Variants in RABGAP1 observed in about 807,000 individuals in gnomAD.
The protein encoded by RABGAP1 is rab GTPase-activating protein 1.
In RABGAP1, 23 loss-of-function variants were observed where a neutral mutation model predicts 137.6. The observed-to-expected ratio is 0.17, with a 90% CI of 0.12 to 0.24. The LOEUF is 0.24. Among genes scored for constraint, RABGAP1 ranks in the 10% least tolerant of loss-of-function variants. The pLI is 1.00. For synonymous variants in RABGAP1, 451 were observed against 450.7 expected (o/e 1.00, Z -0.01); for missense variants, 906 against 1,275.8 (o/e 0.71, Z 4.42).
intron 2 of RABGAP1, chr9:122,972,102 G>T (rs991373646): frequency 6.6e-6 from 1 of 152,156 alleles, no homozygotes; most frequent in South Asian, 2.1e-4. Flanking sequence ...TAAAAATCTT[G>T]TTACATTTTT....
At chr9:123,045,235 T>C (rs2033153970) in intron 13 of RABGAP1, among the ~76,000 whole-genome samples, 1 of 152,224 alleles carries the variant, frequency 6.6e-6, no homozygotes, top group South Asian at 2.1e-4. Flanking sequence ...TAAATAGCAT[T>C]ATTTATTTTG....
At chr9:122,997,228 A>G in intron 8 of RABGAP1, 31 bp from the exon 9 acceptor site, 2 of 1,531,352 alleles carry the variant, frequency 1.3e-6, no homozygotes, top group African/African-American at 2.8e-5. Flanking sequence ...TCACTGTGGC[A>G]TTCGGGTTTA....
intron 1 of RABGAP1, among the ~76,000 whole-genome samples, chr9:122,953,322 A>G (rs1419960624): frequency 2.6e-5 from 4 of 152,038 alleles, no homozygotes; most frequent in Admixed American, 2.6e-4. Context: ...CAGTAGCTCT[A>G]TGAGATCGAT....
chr9:122,960,992 A>C (rs1289873563), intron 2 of RABGAP1, among the ~76,000 whole-genome samples: 1 of 152,140 alleles, frequency 6.6e-6, no homozygotes, highest in Non-Finnish European at 1.5e-5. Context: ...ATGAAGAAAA[A>C]CAATGTAGAA....
At chr9:123,078,483 T>G (rs537710319) in intron 19 of RABGAP1, among the ~76,000 whole-genome samples, 3 of 152,298 alleles carry the variant, frequency 2.0e-5, no homozygotes, top group East Asian at 3.9e-4. Context: ...GCTACGACTA[T>G]AATTATTTCC....
In RABGAP1 at chr9:122,941,091, C is replaced by T. The variant is rs934178797; in HGVS notation, c.-52C>T. Reference sequence around the variant, plus strand: ...GGCGGCGGAGGAGGAGACGGCAGGTCGGGTAGGGCCGTGTTTCCCCTCCTC... The same window carrying T: ...GGCGGCGGAGGAGGAGACGGCAGGTTGGGTAGGGCCGTGTTTCCCCTCCTC... On this transcript the variant is annotated splice_region_variant and 5_prime_UTR_variant, in exon 1 of 26. Transcript: ENST00000373647. The T allele has an allele frequency of 6.6e-6, 1 of 152,524 alleles. No homozygotes were observed. Among genetic ancestry groups the T allele is most frequent in the Non-Finnish European group, 1.5e-5 (1 of 68,336 alleles). The allele number at this position is 152,524 out of a possible 1,614,324, so 9.4% of individuals were successfully genotyped here. A position where few individuals can be genotyped will look rare whatever the true frequency, so the allele number is the denominator to read the frequency against.
chr9:123,006,493 C>T (rs2030277169), intron 10 of RABGAP1, among the ~76,000 whole-genome samples: 1 of 152,220 alleles, frequency 6.6e-6, no homozygotes, highest in Admixed American at 6.5e-5. Flanking sequence ...TGAAATGCTA[C>T]ACTTATCATA....
intron 11 of RABGAP1, among the ~76,000 whole-genome samples, chr9:123,012,090 A>G (rs1337032375): frequency 1.3e-5 from 2 of 152,242 alleles, no homozygotes; most frequent in African/African-American, 4.8e-5. Context: ...GCTGTAGTCT[A>G]TCATCATCTC....
intron 15 of RABGAP1, 73 bp from the exon 16 acceptor site, chr9:123,073,479 G>A: frequency 6.5e-7 from 1 of 1,532,198 alleles, no homozygotes; most frequent in South Asian, 1.2e-5. Flanking sequence ...TTAATATCCT[G>A]AGAAAACTTC....
chr9:123,019,063 G>A (rs780035558), intron 12 of RABGAP1, among the ~76,000 whole-genome samples: 7 of 152,238 alleles, frequency 4.6e-5, no homozygotes, highest in Admixed American at 2.0e-4. Flanking sequence ...TTGTTCTGAA[G>A]GTCAAATAAG....
At chr9:123,002,225 C>T (rs189304825) in intron 10 of RABGAP1, among the ~76,000 whole-genome samples, 124 of 151,472 alleles carry the variant, frequency 8.2e-4, no homozygotes, top group Admixed American at 2.4e-3. Context: ...TGCTTGAACC[C>T]GGGAGGTGGA....
At chr9:123,067,353 C>T (rs553215441) in intron 14 of RABGAP1, among the ~76,000 whole-genome samples, 8 of 152,336 alleles carry the variant, frequency 5.3e-5, no homozygotes, top group Non-Finnish European at 8.8e-5. Context: ...AGCTGCTCTG[C>T]CTTTGGGTTC....
At chr9:122,981,938 A>C in intron 2 of RABGAP1, among the ~76,000 whole-genome samples, 1 of 152,102 alleles carries the variant, frequency 6.6e-6, no homozygotes, top group Admixed American at 6.6e-5. Context: ...GATCCCAGCT[A>C]CTTGGGAGGT....
chr9:122,970,320 G>C (rs558648413), intron 2 of RABGAP1, among the ~76,000 whole-genome samples: 1 of 152,292 alleles, frequency 6.6e-6, no homozygotes. Context: ...TGTAGTTCCA[G>C]CTGCTTAGGA....
chr9:123,026,005 CTT>C (rs59188440), intron 13 of RABGAP1, among the ~76,000 whole-genome samples: 1,347 of 117,166 alleles, frequency 0.011, 8 homozygotes, highest in Non-Finnish European at 0.019. Context: ...AAAACATATT[CTT>C]TTTTTTTTTT....
chr9:122,944,946 G>T (rs1471392047), intron 1 of RABGAP1, among the ~76,000 whole-genome samples: 1 of 151,810 alleles, frequency 6.6e-6, no homozygotes, highest in African/African-American at 2.4e-5. Flanking sequence ...ATGTTTCTTG[G>T]AGATAGAACT....
At chr9:122,951,414 C>CA (rs886293634) in intron 1 of RABGAP1, among the ~76,000 whole-genome samples, 237 of 137,336 alleles carry the variant, frequency 1.7e-3, no homozygotes, top group Non-Finnish European at 2.4e-3. Flanking sequence ...TACTCTGTCT[C>CA]AAAAAAAAAA....
chr9:122,947,211 T>TA (rs1833992162), intron 1 of RABGAP1, among the ~76,000 whole-genome samples: 1 of 152,238 alleles, frequency 6.6e-6, no homozygotes, highest in African/African-American at 2.4e-5. Flanking sequence ...CTTGAAGACT[T>TA]ATACTAAATG....
intron 6 of RABGAP1, chr9:122,990,797 ATATATATATATAT>A (rs1475289402): frequency 2.2e-4 from 7 of 31,794 alleles, no homozygotes; most frequent in African/African-American, 1.4e-3. Context: ...AAAAAAAAAA[ATATATATATATAT>A]ATATATATAT....
Sources: gnomAD v4.1 joint callset for allele counts (sites outside exome capture counted in the v4.1 genomes callset) on GRCh38, gnomAD v4.1.1 for gene constraint, MANE v1.5 for transcripts, NCBI Gene and HGNC (gene_info 2026-07-23, HGNC 2026-07-21) for gene names.